PRKCG: variants seen among roughly 807,000 people sequenced by gnomAD.
The protein encoded by PRKCG is protein kinase C gamma type.
Under a neutral mutation model 82.0 loss-of-function variants are expected in PRKCG, and 28 were observed. The observed-to-expected ratio is 0.34, with a 90% CI of 0.25 to 0.47. PRKCG has a LOEUF of 0.47. Ranked by LOEUF, PRKCG falls within the 20% of genes least tolerant of loss-of-function variation. PRKCG has a pLI of 1.00. For missense variants in PRKCG, 640 were observed against 952.7 expected, an observed-to-expected ratio of 0.67 and a Z score of 4.32; for synonymous variants, 383 against 376.6, an observed-to-expected ratio of 1.02 and a Z score of -0.20.
At chr19:53,906,079 C>CTTCTTCT (rs1568763971) in intron 16 of PRKCG, among the ~76,000 whole-genome samples, 1 of 80,878 alleles carries the variant, frequency 1.2e-5, no homozygotes, top group African/African-American at 9.8e-5. Flanking sequence ...CCTCCTCCTC[C>CTTCTTCT]TCCTCCTTCT....
chr19:53,906,042 C>CTT, intron 16 of PRKCG, among the ~76,000 whole-genome samples: 1 of 20,082 alleles, frequency 5.0e-5, no homozygotes, highest in East Asian at 8.2e-4. Context: ...CCTCCTCCTC[C>CTT]CTCCTCCTCC....
In PRKCG at chr19:53,884,626, G is replaced by C. The variant is rs1357951865; in HGVS notation, c.285+383G>C. Among the ~76,000 whole-genome samples the C allele has an allele frequency of 6.6e-6, 1 of 152,162 alleles. No individual in the cohort carries two copies. Among genetic ancestry groups the C allele is most frequent in the Non-Finnish European group, 1.5e-5 (1 of 68,028 alleles). The stretch of plus-strand genomic sequence containing the variant: ...AGGGAATCTCAGGGAGAGGAACAGA[G>C]ACAGAAGAAGACAGAGACCTAGGAG... On this transcript the variant is annotated intron_variant, in intron 3 of 17. Coordinates refer to ENST00000263431, the MANE Select transcript of PRKCG (RefSeq NM_002739.5). The surrounding 1 kb of genome is among the most constrained non-coding windows in gnomAD (Gnocchi z 4.6).
In PRKCG at chr19:53,892,598, T is replaced by G; in HGVS notation, c.776T>G (p.Met259Arg). The G allele has an allele frequency of 6.2e-7, 1 of 1,613,558 alleles. No individual in the cohort carries two copies. Among genetic ancestry groups the G allele is most frequent in the Non-Finnish European group, 8.5e-7 (1 of 1,179,990 alleles). Reference sequence around the variant, plus strand: ...TCCCGCAACGACTTCATGGGGGCCATGTCCTTTGGCGTCTCGGAGCTGCTC... The same window carrying G: ...TCCCGCAACGACTTCATGGGGGCCAGGTCCTTTGGCGTCTCGGAGCTGCTC... ...RTSRNDFMGA[M>R]SFGVSELLKA... is the part of the protein sequence containing the mutation. Residue 259 changes from methionine (M) to arginine (R), a missense_variant, in exon 7 of 18, where the codon ATG (methionine) becomes AGG (arginine). Transcript: ENST00000263431. The surrounding 1 kb of genome is among the most constrained non-coding windows in gnomAD (Gnocchi z 5.9).
In PRKCG at chr19:53,900,150, C is replaced by G. The variant is rs1233856509; in HGVS notation, c.1282-83C>G. On this transcript the variant is annotated intron_variant, in intron 11 of 17. Transcript: ENST00000263431. The surrounding 1 kb of genome is among the most constrained non-coding windows in gnomAD (Gnocchi z 4.2). ...GGTTGGGTGCATCTGGAACCTTCCA[C>G]GTCTGTCCTGAGTGATCAGGAAAGA... The G allele has an allele frequency of 4.5e-6, 6 of 1,325,746 alleles. No homozygotes were observed. Among genetic ancestry groups the G allele is most frequent in the Non-Finnish European group, 6.5e-6 (6 of 919,120 alleles). 82.1% of individuals were successfully genotyped at this position (1,325,746 alleles called of 1,614,324 possible).
chr19:53,902,080 T>A (rs1440847376), intron 14 of PRKCG, among the ~76,000 whole-genome samples: 1 of 152,030 alleles, frequency 6.6e-6, no homozygotes, highest in Non-Finnish European at 1.5e-5. Flanking sequence ...ATGTCAGTGA[T>A]CACAAAACCT....
chr19:53,887,497 CAAAAAAAAAAAAAAA>C (rs71189894), intron 3 of PRKCG, among the ~76,000 whole-genome samples: 21 of 14,678 alleles, frequency 1.4e-3, no homozygotes, highest in Non-Finnish European at 1.1e-3. Flanking sequence ...AACTCTGTCT[CAAAAAAAAAAAAAAA>C]AAAAAAAAAA....
chr19:53,906,823 C>T lies in PRKCG; in HGVS notation c.2022C>T (p.Thr674=). 6.2e-7 allele frequency: 1 copy of T among 1,613,806 alleles called. No homozygotes were observed. Among genetic ancestry groups the T allele is most frequent in the Non-Finnish European group, 8.5e-7 (1 of 1,180,012 alleles). The change falls in exon 18 of 18, where the codon ACC becomes ACT. Residue 674 remains threonine, a synonymous_variant. Transcript: ENST00000263431. The stretch of plus-strand genomic sequence containing the variant: ...ACCAGGCCGATTTCCAGGGCTTCAC[C>T]TACGTGAACCCCGACTTCGTGCACC... ...SIDQADFQGF[T]YVNPDFVHPD... is the part of the protein sequence containing the mutation.
At chr19:53,893,830 T>G (rs941190623) in intron 9 of PRKCG, among the ~76,000 whole-genome samples, 1 of 152,132 alleles carries the variant, frequency 6.6e-6, no homozygotes, top group Admixed American at 6.5e-5. Flanking sequence ...CTCGCCTCAC[T>G]GCAACCTCCA....
At position 53,900,865 on chromosome 19, in the gene PRKCG, C is replaced by A. The variant is rs148797028; in HGVS notation, c.1575+116C>A. The A allele has an allele frequency of 2.3e-4, 357 of 1,532,316 alleles. No homozygotes were observed. The highest frequency in any genetic ancestry group is 3.1e-4 in the Non-Finnish European group (345 of 1,118,182). 94.9% of individuals were successfully genotyped at this position (1,532,316 alleles called of 1,614,324 possible). On this transcript the variant is annotated intron_variant, in intron 14 of 17. Transcript: ENST00000263431. This position sits in a 1 kb window ranked among gnomAD's most constrained non-coding sequence, Gnocchi z 4.2. ...CCTCAGACCTTGTCATGAGTTGTGG[C>A]CTTCTTACACAGCCAGTCGTTCCTC...
Position 53,891,774 on chromosome 19 carries a change from G to A in PRKCG, c.630G>A (p.Gln210=). 1.2e-6 allele frequency: 2 copies of A among 1,614,140 alleles called. No individual in the cohort carries two copies. Among genetic ancestry groups the A allele is most frequent in the Non-Finnish European group, 1.7e-6 (2 of 1,180,034 alleles). The part of the protein sequence containing the change: ...LIPDPRNLTK[Q]KTRTVKATLN... ...CAGACCCTCGGAACCTGACGAAACAGAAGACCCGAACGGTGAAAGCCACGC... is the reference window on the plus strand; with the variant it reads ...CAGACCCTCGGAACCTGACGAAACAAAAGACCCGAACGGTGAAAGCCACGC... Residue 210 remains glutamine (Q), a synonymous_variant, in exon 6 of 18, where the codon CAG becomes CAA. Transcript: ENST00000263431.
chr19:53,907,031 T>C lies in PRKCG; in HGVS notation c.*136T>C, dbSNP rs2068819249. On this transcript the variant is annotated 3_prime_UTR_variant, in exon 18 of 18. Transcript: ENST00000263431. The stretch of plus-strand genomic sequence containing the variant: ...AGCATTCCAGCTCTGCCCCCGCGGG[T>C]TCTAGACGCCCCTCCCAAGCGTTCC... The C allele has an allele frequency of 6.6e-7, 1 of 1,524,104 alleles. No individual in the cohort carries two copies. Among genetic ancestry groups the C allele is most frequent in the East Asian group, 2.5e-5 (1 of 40,240 alleles). 94.4% of individuals were successfully genotyped at this position (1,524,104 alleles called of 1,614,324 possible).
intron 9 of PRKCG, among the ~76,000 whole-genome samples, chr19:53,896,374 CTGA>C (rs896761737): frequency 9.1e-6 from 1 of 109,972 alleles, no homozygotes; most frequent in African/African-American, 3.3e-5. Flanking sequence ...AGAAACAGCC[CTGA>C]TTATTATTAT....
In PRKCG at chr19:53,882,315, G is replaced by A; in HGVS notation, c.-180G>A. On this transcript the variant is annotated 5_prime_UTR_variant, in exon 1 of 18. Transcript: ENST00000263431. This position sits in a 1 kb window ranked among gnomAD's most constrained non-coding sequence, Gnocchi z 6.1. ...GCCCGCTCCCCCTGGCGGAGCCGGC[G>A]CGCCCGGGGTGCCGCTCCCTGCCTG... 2 of 885,048 alleles carry A rather than the reference G, an allele frequency of 2.3e-6. No individual in the cohort carries two copies. The highest frequency in any genetic ancestry group is 3.4e-6 in the Non-Finnish European group (2 of 584,342). 54.8% of individuals were successfully genotyped at this position (885,048 alleles called of 1,614,324 possible). A position where few individuals can be genotyped will look rare whatever the true frequency, so the allele number is the denominator to read the frequency against.
intron 3 of PRKCG, among the ~76,000 whole-genome samples, chr19:53,885,809 C>A (rs2068627199): frequency 1.3e-5 from 2 of 152,144 alleles, no homozygotes; most frequent in Non-Finnish European, 2.9e-5. Context: ...TTGAGCACCA[C>A]TGTCTACCAG....
intron 3 of PRKCG, among the ~76,000 whole-genome samples, chr19:53,887,497 C>A (rs1348758293): frequency 8.8e-4 from 13 of 14,714 alleles, no homozygotes; most frequent in Non-Finnish European, 1.2e-3. Flanking sequence ...AACTCTGTCT[C>A]AAAAAAAAAA....
At chr19:53,899,643 A>G (rs1228350251) in intron 11 of PRKCG, among the ~76,000 whole-genome samples, 7 of 151,888 alleles carry the variant, frequency 4.6e-5, no homozygotes, top group Admixed American at 3.3e-4. Flanking sequence ...CTGGAGTGCA[A>G]TGGCGCGATC....
In PRKCG at chr19:53,889,759, C is replaced by T. The variant is rs759781185; in HGVS notation, c.397+10C>T. 1.2e-6 allele frequency: 2 copies of T among 1,612,728 alleles called. No individual in the cohort carries two copies. The highest frequency in any genetic ancestry group is 1.7e-6 in the Non-Finnish European group (2 of 1,179,428). Reference sequence around the variant, plus strand: ...GGCATGAAATGCTCCTGTGAGTGACCTGGGCCTTGCCAGGGCCCTTCCAAA... The same window carrying T: ...GGCATGAAATGCTCCTGTGAGTGACTTGGGCCTTGCCAGGGCCCTTCCAAA... On this transcript the variant is annotated intron_variant, in intron 4 of 17. Coordinates refer to ENST00000263431, the MANE Select transcript of PRKCG (RefSeq NM_002739.5). The surrounding 1 kb of genome is among the most constrained non-coding windows in gnomAD (Gnocchi z 4.4).
chr19:53,887,214 C>T (rs1005765510), intron 3 of PRKCG, among the ~76,000 whole-genome samples: 7 of 151,976 alleles, frequency 4.6e-5, no homozygotes, highest in Admixed American at 6.6e-5. Flanking sequence ...AAGTAACATG[C>T]AGGCCAGGCA....
At chr19:53,896,069 A>AAAG (rs545178219) in intron 9 of PRKCG, among the ~76,000 whole-genome samples, 47 of 151,442 alleles carry the variant, frequency 3.1e-4, no homozygotes, top group African/African-American at 9.9e-4. Context: ...CAGAAAAAAA[A>AAAG]AAAAAAGAGA....
Sources: gnomAD v4.1 joint callset for allele counts (sites outside exome capture counted in the v4.1 genomes callset) on GRCh38, gnomAD v4.1.1 for gene constraint, Gnocchi (gnomAD v3.1) non-coding constraint, MANE v1.5 for transcripts, NCBI Gene and HGNC (gene_info 2026-07-23, HGNC 2026-07-21) for gene names.